MED13: variants seen among roughly 807,000 people sequenced by gnomAD.
MED13 encodes the protein mediator complex subunit 13.
Under a neutral mutation model 225.2 loss-of-function variants are expected in MED13, and 23 were observed. The observed-to-expected ratio is 0.10, with a 90% CI of 0.07 to 0.14. The LOEUF is 0.14. MED13 is among the 10% of genes least tolerant of loss of function. MED13 has a pLI of 1.00. For missense variants in MED13, 2,197 were observed against 2,594.5 expected (o/e 0.85, Z 3.33); for synonymous variants, 942 against 889.2 (o/e 1.06, Z -1.06).
At chr17:61,961,843 G>T (rs1194923183) in intron 21 of MED13, 64 bp from the exon 22 acceptor site, 6 of 1,443,980 alleles carry the variant, frequency 4.2e-6, no homozygotes, top group Non-Finnish European at 5.7e-6. Context: ...GGAACTGTGG[G>T]TCTAAAACTC....
chr17:62,048,037 CATATACAT>C (rs1236612868), intron 3 of MED13, among the ~76,000 whole-genome samples: 20 of 121,346 alleles, frequency 1.6e-4, no homozygotes, highest in Admixed American at 3.4e-4. Flanking sequence ...TATACATATA[CATATACAT>C]ATATATATAT....
Position 61,955,661 on chromosome 17 carries a change from T to C in MED13, c.5782+19A>G. 1.3e-6 allele frequency: 2 copies of C among 1,582,544 alleles called. No individual in the cohort carries two copies. The highest frequency in any genetic ancestry group is 8.5e-7 in the Non-Finnish European group (1 of 1,171,684). On this transcript the variant is annotated intron_variant, in intron 25 of 29. Coordinates refer to ENST00000397786, the MANE Select transcript of MED13 (RefSeq NM_005121.3). ...ACTGCATAAAGAATTAAATCTGATA[T>C]AAACTAAAGATAGCTAACCTGGCAT...
In MED13 at chr17:62,008,250, G is replaced by A. The variant is rs1425903722; in HGVS notation, c.1967+2300C>T. Among the ~76,000 whole-genome samples the A allele has an allele frequency of 3.4e-5, 5 of 146,440 alleles. No homozygotes were observed. The South Asian group carries it at 1.1e-3, about 32-fold the overall frequency. On this transcript the variant is annotated intron_variant, in intron 9 of 29. Transcript: ENST00000397786. ...AGGAGAATGGTGTGAACCAGGAGGC[G>A]GAGCTTGCAGTGAGCAGGGATCGCG...
In MED13 at chr17:61,982,878, T is replaced by C. The variant is rs779403812; in HGVS notation, c.3125A>G (p.Tyr1042Cys). Residue 1042 changes from tyrosine (Y) to cysteine (C), a missense_variant, in exon 16 of 30, where the codon TAT (tyrosine) becomes TGT (cysteine). Physicochemically the swap from Tyr to Cys is radical, Grantham distance 194. Coordinates refer to ENST00000397786, the MANE Select transcript of MED13 (RefSeq NM_005121.3). Reference sequence around the variant, plus strand: ...TGTAGATGGGGTAGAAGCTGGTGAATACAAGTCTGAATTTTCATATTTGAC... The same window carrying C: ...TGTAGATGGGGTAGAAGCTGGTGAACACAAGTCTGAATTTTCATATTTGAC... ...GSVKYENSDL[Y>C]SPASTPSTCR... 2 of 1,614,158 alleles carry C rather than the reference T, an allele frequency of 1.2e-6. No homozygotes were observed. The highest frequency in any genetic ancestry group is 2.2e-5 in the South Asian group (2 of 91,080).
intron 18 of MED13, among the ~76,000 whole-genome samples, chr17:61,967,530 T>C (rs1394857855): frequency 6.6e-6 from 1 of 152,168 alleles, no homozygotes; most frequent in African/African-American, 2.4e-5. Flanking sequence ...TTATGTCCCA[T>C]AACACTTATA....
Position 62,052,631 on chromosome 17 carries a change from G to C in MED13, c.376C>G (p.Leu126Val), listed in dbSNP as rs767109838. ...RTLLFKAVHN[L>V]LERCLMNRNF... is the part of the protein sequence containing the mutation. ...CTGTTCATTAAACACCGTTCCAATA[G>C]ATTGTGAACTGCTTTGAAAAGCAGA... The change falls in exon 3 of 30, where the codon CTA becomes GTA. Residue 126 changes from leucine (L) to valine (V), a missense_variant. Physicochemically the swap from Leu to Val is conservative, Grantham distance 32. Coordinates refer to ENST00000397786, the MANE Select transcript of MED13 (RefSeq NM_005121.3). 6.2e-7 allele frequency: 1 copy of C among 1,603,502 alleles called. No homozygotes were observed. The highest frequency in any genetic ancestry group is 1.7e-5 in the Admixed American group (1 of 59,330).
chr17:61,963,095 A>C, intron 20 of MED13, 124 bp from the exon 21 acceptor site: 1 of 695,738 alleles, frequency 1.4e-6, no homozygotes, highest in East Asian at 2.7e-5. Flanking sequence ...AAGCCTCTCT[A>C]AAAATGAAGG....
chr17:62,048,037 C>CATATACAT (rs1236612868), intron 3 of MED13, among the ~76,000 whole-genome samples: 2 of 121,356 alleles, frequency 1.6e-5, no homozygotes, highest in African/African-American at 6.5e-5. Context: ...TATACATATA[C>CATATACAT]ATATACATAT....
chr17:62,057,359 A>G (rs1330923213), intron 2 of MED13, among the ~76,000 whole-genome samples: 1 of 152,204 alleles, frequency 6.6e-6, no homozygotes, highest in African/African-American at 2.4e-5. Context: ...ATTTAAAAAC[A>G]GCCTAGTATG....
chr17:61,982,591 A>T lies in MED13; in HGVS notation c.3412T>A (p.Ser1138Thr). Residue 1138 changes from serine to threonine, a missense_variant, in exon 16 of 30, where the codon TCA (serine) becomes ACA (threonine). Physicochemically the swap from Ser to Thr is moderately conservative, Grantham distance 58. Transcript: ENST00000397786. ...AGTTCATCTTCAAGAAATAATCCTGAATTGTTTCCAAATTTTCTGTTCATG... is the reference window on the plus strand; with the variant it reads ...AGTTCATCTTCAAGAAATAATCCTGTATTGTTTCCAAATTTTCTGTTCATG... ...AVMNRKFGNN[S>T]GLFLEDELDI... 6.2e-7 allele frequency: 1 copy of T among 1,614,170 alleles called. No homozygotes were observed. The highest frequency in any genetic ancestry group is 8.5e-7 in the Non-Finnish European group (1 of 1,180,030).
At chr17:61,976,364 G>A (rs1021120244) in intron 16 of MED13, among the ~76,000 whole-genome samples, 19 of 152,156 alleles carry the variant, frequency 1.2e-4, no homozygotes, top group Admixed American at 2.0e-4. Flanking sequence ...AATCTAGAGA[G>A]ACAGAAAATA....
In MED13 at chr17:61,962,978, T is replaced by C. The variant is rs2080016297; in HGVS notation, c.4845-7A>G. The C allele has an allele frequency of 6.2e-7, 1 of 1,613,606 alleles. No individual in the cohort carries two copies. Among genetic ancestry groups the C allele is most frequent in the African/African-American group, 1.3e-5 (1 of 75,002 alleles). Reference sequence around the variant, plus strand: ...TTTATCCCGATCCATCGTGCTAAAATTTAAGGTAGAAATGAGACAAAAAGT... The same window carrying C: ...TTTATCCCGATCCATCGTGCTAAAACTTAAGGTAGAAATGAGACAAAAAGT... On this transcript the variant is annotated splice_polypyrimidine_tract_variant and splice_region_variant and intron_variant, in intron 20 of 29. Coordinates refer to ENST00000397786, the MANE Select transcript of MED13 (RefSeq NM_005121.3).
At chr17:61,963,202 CAAAAAAAAAAAAAA>C (rs11290002) in intron 20 of MED13, among the ~76,000 whole-genome samples, 8 of 55,790 alleles carry the variant, frequency 1.4e-4, no homozygotes, top group Admixed American at 6.4e-4. Flanking sequence ...TTAAATTTAC[CAAAAAAAAAAAAAA>C]AAAAAAAAAA....
intron 3 of MED13, among the ~76,000 whole-genome samples, chr17:62,038,711 T>C (rs967203362): frequency 2.6e-5 from 4 of 152,200 alleles, no homozygotes; most frequent in Non-Finnish European, 5.9e-5. Flanking sequence ...AGGTTCTCAC[T>C]GGAGTGCAGT....
chr17:61,991,933 A>G (rs1453842753), intron 11 of MED13, among the ~76,000 whole-genome samples: 1 of 152,232 alleles, frequency 6.6e-6, no homozygotes, highest in Non-Finnish European at 1.5e-5. Context: ...GGCGTGAGCC[A>G]CGGTGCCCAG....
At chr17:61,989,055 A>G (rs2080272744) in intron 11 of MED13, among the ~76,000 whole-genome samples, 1 of 144,772 alleles carries the variant, frequency 6.9e-6, no homozygotes, top group Non-Finnish European at 1.5e-5. Context: ...TCTGTCGCCC[A>G]GGCTGGAGTG....
At chr17:62,008,265 C>T (rs1242028329) in intron 9 of MED13, among the ~76,000 whole-genome samples, 1 of 135,302 alleles carries the variant, frequency 7.4e-6, no homozygotes, top group East Asian at 2.2e-4. Flanking sequence ...TTGCAGTGAG[C>T]AGGGATCGCG....
At chr17:62,057,899 T>C (rs1305259235) in intron 2 of MED13, among the ~76,000 whole-genome samples, 3 of 152,292 alleles carry the variant, frequency 2.0e-5, no homozygotes, top group East Asian at 1.9e-4. Context: ...TTTTTTAAGA[T>C]GACAAATGGG....
chr17:61,979,595 A>G (rs755341224), intron 16 of MED13, among the ~76,000 whole-genome samples: 3 of 152,138 alleles, frequency 2.0e-5, no homozygotes, highest in South Asian at 2.1e-4. Flanking sequence ...GCCATAAGCC[A>G]TATCTGTCAA....
Sources: allele counts gnomAD v4.1 joint callset (sites outside exome capture counted in the v4.1 genomes callset), GRCh38; gene constraint gnomAD v4.1.1; transcripts MANE v1.5; gene names NCBI Gene and HGNC (gene_info 2026-07-23, HGNC 2026-07-21).